RALYL: variants seen among roughly 807,000 people sequenced by gnomAD.
RALYL encodes the protein RALY RNA binding protein like.
In RALYL, 29 loss-of-function variants were observed where a neutral mutation model predicts 35.1. The observed-to-expected ratio is 0.83, with a 90% CI of 0.61 to 1.13. RALYL has a LOEUF of 1.13. Among genes scored for constraint, RALYL ranks in the 50% most tolerant of loss-of-function variants. The probability of loss-of-function intolerance (pLI) is 0.00; values close to 1 mark genes in which losing one functional copy is unlikely to be tolerated. For synonymous variants in RALYL, 120 were observed against 127.6 expected, an observed-to-expected ratio of 0.94 and a Z score of 0.40; for missense variants, 359 against 360.4, an observed-to-expected ratio of 1.00 and a Z score of 0.03.
chr8:84,904,058 C>A (rs1357955337), intron 8 of RALYL, among the ~76,000 whole-genome samples: 1 of 152,264 alleles, frequency 6.6e-6, no homozygotes, highest in Non-Finnish European at 1.5e-5. Context: ...ATTCTCAAAT[C>A]GCAGATTATA....
intron 1 of RALYL, among the ~76,000 whole-genome samples, chr8:84,234,328 C>CT (rs112505775): frequency 0.059 from 8,985 of 152,090 alleles, 303 homozygotes; most frequent in Middle Eastern, 0.099. Context: ...TAAAGGATAC[C>CT]TTTATATATG....
chr8:84,262,384 A>G (rs1832484615), intron 1 of RALYL, among the ~76,000 whole-genome samples: 1 of 152,198 alleles, frequency 6.6e-6, no homozygotes. Flanking sequence ...CTGAAAACAG[A>G]CAATCTTTCA....
intron 2 of RALYL, among the ~76,000 whole-genome samples, chr8:84,730,597 C>G (rs1394310649): frequency 1.3e-5 from 2 of 152,092 alleles, no homozygotes; most frequent in East Asian, 3.9e-4. Context: ...GTCAAATTGT[C>G]CCTGTTGGCA....
intron 1 of RALYL, among the ~76,000 whole-genome samples, chr8:84,468,946 GGCTTCT>G (rs1286643973): frequency 6.6e-6 from 1 of 151,432 alleles, no homozygotes; most frequent in Admixed American, 6.6e-5. Context: ...CGGCTCCTGA[GGCTTCT>G]GCATTCTTCA....
chr8:84,421,017 C>A (rs1463978064), intron 1 of RALYL, among the ~76,000 whole-genome samples: 1 of 121,684 alleles, frequency 8.2e-6, no homozygotes, highest in Non-Finnish European at 1.7e-5. Flanking sequence ...TTAGGATTGA[C>A]TTGGCAATGC....
chr8:84,259,554 C>A (rs1443502613), intron 1 of RALYL, among the ~76,000 whole-genome samples: 2 of 152,126 alleles, frequency 1.3e-5, no homozygotes, highest in Non-Finnish European at 2.9e-5. Context: ...TTCCTCATGG[C>A]AGTTTAGTAA....
chr8:84,589,347 C>T (rs897006542), intron 2 of RALYL, among the ~76,000 whole-genome samples: 1 of 152,146 alleles, frequency 6.6e-6, no homozygotes, highest in Non-Finnish European at 1.5e-5. Context: ...TTAGATTCAG[C>T]CTGTCCAGTA....
intron 2 of RALYL, among the ~76,000 whole-genome samples, chr8:84,619,689 C>T (rs1024381811): frequency 2.6e-5 from 4 of 151,352 alleles, no homozygotes; most frequent in South Asian, 2.1e-4. Context: ...TTCCTAGTCT[C>T]GATGGTCTTT....
chr8:84,772,157 A>G (rs1356359311), intron 2 of RALYL, among the ~76,000 whole-genome samples: 2 of 151,934 alleles, frequency 1.3e-5, no homozygotes, highest in East Asian at 1.9e-4. Flanking sequence ...ATATATGTCA[A>G]TTGTATGCAT....
intron 2 of RALYL, among the ~76,000 whole-genome samples, chr8:84,566,236 T>G (rs947994731): frequency 2.6e-5 from 4 of 151,676 alleles, no homozygotes; most frequent in African/African-American, 9.6e-5. Context: ...CAAAAAAATT[T>G]TAAACTACAT....
chr8:84,219,960 T>C (rs994694126), intron 1 of RALYL, among the ~76,000 whole-genome samples: 37 of 152,040 alleles, frequency 2.4e-4, no homozygotes, highest in Non-Finnish European at 4.6e-4. Context: ...GAAAATTGAG[T>C]CCTTTATATT....
chr8:84,424,521 C>T (rs140983220), intron 1 of RALYL, among the ~76,000 whole-genome samples: 6,875 of 149,870 alleles, frequency 0.046, 422 homozygotes, highest in African/African-American at 0.13. Flanking sequence ...CAGAGTAATT[C>T]GATCGTCTGA....
chr8:84,706,097 G>C (rs906168591), intron 2 of RALYL: 8 of 1,526,246 alleles, frequency 5.2e-6, no homozygotes, highest in East Asian at 2.5e-5. Context: ...CATATCACTG[G>C]GGTAGGGAAA....
At chr8:84,653,812 G>A (rs1375751790) in intron 2 of RALYL, among the ~76,000 whole-genome samples, 1 of 151,018 alleles carries the variant, frequency 6.6e-6, no homozygotes, top group East Asian at 2.0e-4. Flanking sequence ...GAATGTGTAA[G>A]TTCTATGGAG....
chr8:84,385,013 G>A (rs1018610200), intron 1 of RALYL, among the ~76,000 whole-genome samples: 4 of 151,658 alleles, frequency 2.6e-5, no homozygotes, highest in Non-Finnish European at 5.9e-5. Flanking sequence ...GAACCTATTG[G>A]TACACATAGG....
intron 4 of RALYL, among the ~76,000 whole-genome samples, chr8:84,809,828 C>A (rs1317807290): frequency 1.3e-5 from 2 of 151,920 alleles, no homozygotes; most frequent in African/African-American, 4.8e-5. Context: ...AGTTATAATA[C>A]CTCCTGTTTC....
intron 1 of RALYL, among the ~76,000 whole-genome samples, chr8:84,447,614 A>G (rs1402318355): frequency 6.6e-6 from 1 of 152,052 alleles, no homozygotes; most frequent in Admixed American, 6.6e-5. Flanking sequence ...TCATTCCTTC[A>G]TTTACATCAA....
At chr8:84,609,138 G>T (rs1817770241) in intron 2 of RALYL, among the ~76,000 whole-genome samples, 1 of 152,048 alleles carries the variant, frequency 6.6e-6, no homozygotes, top group African/African-American at 2.4e-5. Context: ...CACCTTTGCT[G>T]CATTGCTGCT....
intron 2 of RALYL, among the ~76,000 whole-genome samples, chr8:84,570,802 T>C (rs919517938): frequency 6.6e-6 from 1 of 151,906 alleles, no homozygotes; most frequent in Admixed American, 6.6e-5. Flanking sequence ...TGAAGCGATG[T>C]TAGATTTTAT....
Sources: gnomAD v4.1 joint callset for allele counts (sites outside exome capture counted in the v4.1 genomes callset) on GRCh38, gnomAD v4.1.1 for gene constraint, MANE v1.5 for transcripts, NCBI Gene and HGNC (gene_info 2026-07-23, HGNC 2026-07-21) for gene names.